The following SYN3 variants were observed in gnomAD, a reference collection of about 807,000 sequenced individuals.
SYN3 encodes the protein synapsin-3.
A neutral mutation model predicts 65.8 loss-of-function variants in SYN3; 35 were observed. The observed-to-expected ratio is 0.53, with a 90% confidence interval of 0.41 to 0.70. The LOEUF (loss-of-function observed/expected upper bound fraction) is 0.70. SYN3 is among the 30% of genes least tolerant of loss of function. The probability of loss-of-function intolerance (pLI) is 0.00; values close to 1 mark genes in which losing one functional copy is unlikely to be tolerated. For missense variants in SYN3, 680 were observed against 749.0 expected (o/e 0.91, Z 1.08); for synonymous variants, 270 against 292.9 (o/e 0.92, Z 0.80).
chr22:32,666,703 T>G (rs2060294293), intron 6 of SYN3, among the ~76,000 whole-genome samples: 1 of 152,234 alleles, frequency 6.6e-6, no homozygotes, highest in South Asian at 2.1e-4. Context: ...ATAACACTTA[T>G]CTCCATCTAA....
At chr22:33,054,169 C>A (rs1236921676) in intron 1 of SYN3, among the ~76,000 whole-genome samples, 1 of 152,180 alleles carries the variant, frequency 6.6e-6, no homozygotes, top group Non-Finnish European at 1.5e-5. Context: ...TCGAACTCAT[C>A]CATTTTATTG....
chr22:32,900,459 G>A (rs962695946), intron 4 of SYN3, among the ~76,000 whole-genome samples: 1 of 152,120 alleles, frequency 6.6e-6, no homozygotes, highest in Admixed American at 6.5e-5. Flanking sequence ...AACATTTATT[G>A]AATAAATACT....
At chr22:32,590,599 G>T (rs2059114935) in intron 7 of SYN3, among the ~76,000 whole-genome samples, 1 of 152,172 alleles carries the variant, frequency 6.6e-6, no homozygotes, top group Admixed American at 6.5e-5. Context: ...TTCCGAAGTG[G>T]TTGTACAAAT....
At chr22:32,569,557 C>CTATATATATATA (rs1401047566) in intron 7 of SYN3, among the ~76,000 whole-genome samples, 26 of 76,634 alleles carry the variant, frequency 3.4e-4, no homozygotes, top group Admixed American at 1.1e-3. Context: ...CTCTCTCTCT[C>CTATATATATATA]TCTCTCTCTC....
intron 12 of SYN3, chr22:32,519,379 ACT>A (rs903133295): frequency 6.6e-6 from 1 of 151,956 alleles, no homozygotes; most frequent in African/African-American, 2.4e-5. Flanking sequence ...ACAAGAATTA[ACT>A]CTTACTTTTT....
Position 32,936,762 on chromosome 22 carries a change from C to T in SYN3, c.370-5281G>A, listed in dbSNP as rs56708022. ...CCAACAGCATGCTCTGGATCTAGGA[C>T]GACCAGTTTGTCCCGGTTTGCCTTG... On this transcript the variant is annotated intron_variant, in intron 3 of 13. Coordinates refer to ENST00000358763, the MANE Select transcript of SYN3 (RefSeq NM_003490.4). Among the ~76,000 whole-genome samples the T allele has an allele frequency of 7.4e-3, 1,123 of 152,216 alleles. 15 individuals carry two copies. Among genetic ancestry groups the T allele is most frequent in the African/African-American group, 0.026 (1,071 of 41,508 alleles).
intron 6 of SYN3, among the ~76,000 whole-genome samples, chr22:32,667,233 T>C (rs1296881225): frequency 1.3e-5 from 2 of 151,854 alleles, no homozygotes; most frequent in Non-Finnish European, 2.9e-5. Context: ...CCATTCCTTC[T>C]TCCTCACTCA....
chr22:32,523,722 C>A (rs2146108618), intron 12 of SYN3, among the ~76,000 whole-genome samples: 1 of 152,286 alleles, frequency 6.6e-6, no homozygotes, highest in African/African-American at 2.4e-5. Context: ...AGTCACACAT[C>A]TCTTACTTTT....
chr22:32,710,498 T>G (rs1022769302), intron 6 of SYN3, among the ~76,000 whole-genome samples: 13 of 151,518 alleles, frequency 8.6e-5, no homozygotes, highest in African/African-American at 3.2e-4. Context: ...CCAGGCGTGG[T>G]GGCACATGCC....
intron 4 of SYN3, among the ~76,000 whole-genome samples, chr22:32,870,868 CA>C (rs2146357022): frequency 6.6e-6 from 1 of 152,260 alleles, no homozygotes; most frequent in South Asian, 2.1e-4. Flanking sequence ...ATAGGGTCTC[CA>C]GTTTCCTATT....
At position 32,887,632 on chromosome 22, in the gene SYN3, TGTTGTTTGAAGCTGATAA is replaced by T. The variant is rs2049329960; in HGVS notation, c.462-18525_462-18508del. 2.6e-5 allele frequency among the ~76,000 whole-genome samples: 4 copies of T among 152,294 alleles called. No homozygotes were observed. In the South Asian group the frequency reaches 8.3e-4, roughly 32 times the overall value. ...CACAAACTGTGAGATAATAAATATG[TGTTGTTTGAAGCTGATAA>T]GTTTGTAGACAACTAATATACATCT... On this transcript the variant is annotated intron_variant, in intron 4 of 13. Coordinates refer to ENST00000358763, the MANE Select transcript of SYN3 (RefSeq NM_003490.4).
intron 1 of SYN3, among the ~76,000 whole-genome samples, chr22:33,034,375 T>A (rs2053814653): frequency 6.6e-6 from 1 of 151,566 alleles, no homozygotes; most frequent in South Asian, 2.1e-4. Context: ...GCCTCCCGAG[T>A]AGGTGGGATT....
chr22:32,552,841 CACTT>C (rs907797028), intron 7 of SYN3, among the ~76,000 whole-genome samples: 2 of 152,198 alleles, frequency 1.3e-5, no homozygotes, highest in Non-Finnish European at 2.9e-5. Flanking sequence ...CCTATAATGT[CACTT>C]AGTTAGGCTT....
At chr22:32,832,993 G>A (rs959750695) in intron 6 of SYN3, among the ~76,000 whole-genome samples, 11 of 152,036 alleles carry the variant, frequency 7.2e-5, no homozygotes, top group Admixed American at 6.5e-4. Flanking sequence ...TCGACCTCCC[G>A]AAGTCCTGGG....
chr22:32,713,340 C>T (rs1224812618), intron 6 of SYN3, among the ~76,000 whole-genome samples: 1 of 152,200 alleles, frequency 6.6e-6, no homozygotes, highest in African/African-American at 2.4e-5. Context: ...TTAAGCTTCA[C>T]CTACATTTTA....
At chr22:32,852,992 G>A (rs191109192) in intron 6 of SYN3, among the ~76,000 whole-genome samples, 261 of 152,334 alleles carry the variant, frequency 1.7e-3, no homozygotes, top group Non-Finnish European at 2.5e-3. Context: ...TGTCCCAGCT[G>A]GTCCTGGGAG....
intron 7 of SYN3, among the ~76,000 whole-genome samples, chr22:32,591,144 A>G (rs537155354): frequency 2.0e-5 from 3 of 152,350 alleles, no homozygotes; most frequent in African/African-American, 7.2e-5. Flanking sequence ...AGGTCTCACA[A>G]CTATTAGGTG....
intron 6 of SYN3, among the ~76,000 whole-genome samples, chr22:32,692,155 C>CAAAAAAAAAAAAA (rs1188224009): frequency 2.9e-5 from 1 of 34,496 alleles, no homozygotes; most frequent in Non-Finnish European, 4.3e-5. Flanking sequence ...GACAAAAAGA[C>CAAAAAAAAAAAAA]AAAAAAAAAA....
intron 6 of SYN3, among the ~76,000 whole-genome samples, chr22:32,762,226 G>A (rs142943557): frequency 8.7e-4 from 133 of 152,228 alleles, no homozygotes; most frequent in African/African-American, 3.1e-3. Flanking sequence ...GGCTGGGACT[G>A]GCATCCTCTT....
Sources: gnomAD v4.1 joint callset for allele counts (sites outside exome capture counted in the v4.1 genomes callset) on GRCh38, gnomAD v4.1.1 for gene constraint, MANE v1.5 for transcripts, NCBI Gene and HGNC (gene_info 2026-07-23, HGNC 2026-07-21) for gene names.